The following GAL3ST2 variants were observed in gnomAD, a reference collection of about 807,000 sequenced individuals.
The protein encoded by GAL3ST2 is beta-galactose-3-O-sulfotransferase 2.
A neutral mutation model predicts 12.9 loss-of-function variants in GAL3ST2; 16 were observed. The ratio of observed to expected loss-of-function variants is 1.24; its 90% CI spans 0.84 to 1.88. GAL3ST2 has a LOEUF of 1.88. Among genes scored for constraint, GAL3ST2 ranks in the 40% most tolerant of loss-of-function variants. The probability of loss-of-function intolerance (pLI) is 0.00; values close to 1 mark genes in which losing one functional copy is unlikely to be tolerated. For missense variants in GAL3ST2, 639 were observed against 571.8 expected, an observed-to-expected ratio of 1.12 and a Z score of -1.20; for synonymous variants, 302 against 273.9, an observed-to-expected ratio of 1.10 and a Z score of -1.01.
chr2:241,794,449 C>T (rs1463039924), intron 1 of GAL3ST2, among the ~76,000 whole-genome samples: 2 of 152,228 alleles, frequency 1.3e-5, no homozygotes, highest in African/African-American at 4.8e-5. Flanking sequence ...GGCCTCTCTT[C>T]TCTTTCTTTT....
At chr2:241,799,041 A>G in intron 1 of GAL3ST2, 24 bp from the exon 2 acceptor site, 2 of 1,582,106 alleles carry the variant, frequency 1.3e-6, no homozygotes, top group Non-Finnish European at 1.7e-6. Context: ...CGGACTGGGC[A>G]CTCATGGCCT....
At chr2:241,792,274 C>A (rs1429644323) in intron 1 of GAL3ST2, among the ~76,000 whole-genome samples, 1 of 152,038 alleles carries the variant, frequency 6.6e-6, no homozygotes, top group East Asian at 1.9e-4. Context: ...AGGTGATCCA[C>A]CTGCCTCAGC....
intron 1 of GAL3ST2, among the ~76,000 whole-genome samples, chr2:241,777,927 A>T (rs1412348357): frequency 6.6e-6 from 1 of 152,118 alleles, no homozygotes; most frequent in Non-Finnish European, 1.5e-5. Flanking sequence ...CCCAGCTGAG[A>T]CTCTGTGGGT....
chr2:241,801,508 T>G lies in GAL3ST2; in HGVS notation c.120-273T>G. 2 of 519,788 alleles carry G rather than the reference T, an allele frequency of 3.8e-6. No homozygotes were observed. Among genetic ancestry groups the G allele is most frequent in the East Asian group, 6.9e-5 (2 of 29,126 alleles). 32.2% of individuals were successfully genotyped at this position (519,788 alleles called of 1,614,324 possible). A position where few individuals can be genotyped will look rare whatever the true frequency, so the allele number is the denominator to read the frequency against. ...GGCCAAGATGGGGTTCATTTAGGGT[T>G]TTATTTTTAGTTCTCGGGGGCACAG... On this transcript the variant is annotated intron_variant, in intron 2 of 3. Transcript: ENST00000192314. This position sits in a 1 kb window ranked among gnomAD's most constrained non-coding sequence, Gnocchi z 4.4.
rs751252443 is a variant in GAL3ST2 at position 241,777,022 on chromosome 2, G to A, written c.29+38G>A. 1.1e-5 allele frequency: 16 copies of A among 1,453,748 alleles called. 1 individual carries two copies. Among genetic ancestry groups the A allele is most frequent in the Middle Eastern group, 3.7e-4 (2 of 5,430 alleles). 90.1% of individuals were successfully genotyped at this position (1,453,748 alleles called of 1,614,324 possible). On this transcript the variant is annotated intron_variant, in intron 1 of 3. Coordinates refer to ENST00000192314, the MANE Select transcript of GAL3ST2 (RefSeq NM_022134.3). ...GTTGGACCCCCCAGGTGGACAAAGC[G>A]CTTCATCTGTGGCTATTCTGAGAGA...
At chr2:241,777,062 TTTTG>T (rs761035194) in intron 1 of GAL3ST2, 78 bp downstream of exon 1, 105 of 1,258,478 alleles carry the variant, frequency 8.3e-5, no homozygotes, top group Non-Finnish European at 1.0e-4. Context: ...CAGGAGTGGG[TTTTG>T]TTTGTCTTTC....
Position 241,803,854 on chromosome 2 carries a change from C to T in GAL3ST2, c.885C>T (p.Arg295=). 6.9e-7 allele frequency: 1 copy of T among 1,453,408 alleles called. No individual in the cohort carries two copies. The highest frequency in any genetic ancestry group is 9.0e-7 in the Non-Finnish European group (1 of 1,112,404). 90.0% of individuals were successfully genotyped at this position (1,453,408 alleles called of 1,614,324 possible). A position where few individuals can be genotyped will look rare whatever the true frequency, so the allele number is the denominator to read the frequency against. The part of the protein sequence containing the change: ...HFNRTLWAQL[R]AELGPRRLRG... ...ACCGCACCCTCTGGGCGCAGCTGCGCGCCGAGCTGGGGCCGCGGCGGCTGC... is the reference window on the plus strand; with the variant it reads ...ACCGCACCCTCTGGGCGCAGCTGCGTGCCGAGCTGGGGCCGCGGCGGCTGC... The change falls in exon 4 of 4, where the codon CGC becomes CGT. Residue 295 remains arginine, a synonymous_variant. Transcript: ENST00000192314.
At chr2:241,798,152 G>A (rs1334297698) in intron 1 of GAL3ST2, among the ~76,000 whole-genome samples, 2 of 152,176 alleles carry the variant, frequency 1.3e-5, no homozygotes, top group Non-Finnish European at 2.9e-5. Context: ...GCCTTACCCA[G>A]ATCTGCTCTT....
chr2:241,804,017 C>G lies in GAL3ST2; in HGVS notation c.1048C>G (p.Leu350Val), dbSNP rs1401691188. The change falls in exon 4 of 4, where the codon CTG becomes GTG. Residue 350 changes from leucine to valine, a missense_variant. By Grantham distance (32) the Leu-to-Val change is conservative (BLOSUM62 1). Transcript: ENST00000192314. The part of the protein sequence containing the change: ...RPYQSGKADI[L>V]GYNLRPGLDN... ...CTACCAGTCCGGCAAGGCCGACATCCTGGGTTACAACCTCCGGCCGGGCCT... is the reference window on the plus strand; with the variant it reads ...CTACCAGTCCGGCAAGGCCGACATCGTGGGTTACAACCTCCGGCCGGGCCT... The G allele has an allele frequency of 6.4e-7, 1 of 1,568,378 alleles. No individual in the cohort carries two copies.
At position 241,798,984 on chromosome 2, in the gene GAL3ST2, C is replaced by T. The variant is rs1006804613; in HGVS notation, c.30-81C>T. ...GGCCCAGACCTGTGTGGCCCAAGGCCTGGACTTGGCTGCAGGATGGGAGGT... is the reference window on the plus strand; with the variant it reads ...GGCCCAGACCTGTGTGGCCCAAGGCTTGGACTTGGCTGCAGGATGGGAGGT... On this transcript the variant is annotated intron_variant, in intron 1 of 3. Transcript: ENST00000192314. The T allele has an allele frequency of 4.4e-6, 5 of 1,147,488 alleles. No individual in the cohort carries two copies. In the South Asian group the frequency reaches 6.1e-5, roughly 14 times the overall value. 71.1% of individuals were successfully genotyped at this position (1,147,488 alleles called of 1,614,324 possible). A position where few individuals can be genotyped will look rare whatever the true frequency, so the allele number is the denominator to read the frequency against.
chr2:241,795,980 C>T lies in GAL3ST2; in HGVS notation c.30-3085C>T, dbSNP rs1018253139. ...AGGGAGGGCCTGGAAGCTCCTGTCC[C>T]GTCTCCTAGAAGCGTGGCTGTGGTG... is the stretch of plus-strand genomic sequence containing the variant. On this transcript the variant is annotated intron_variant, in intron 1 of 3. Coordinates refer to ENST00000192314, the MANE Select transcript of GAL3ST2 (RefSeq NM_022134.3). This position sits in a 1 kb window ranked among gnomAD's most constrained non-coding sequence, Gnocchi z 4.5. Among the ~76,000 whole-genome samples, 1 of 152,150 alleles carries T rather than the reference C, an allele frequency of 6.6e-6. No homozygotes were observed. The highest frequency in any genetic ancestry group is 2.4e-5 in the African/African-American group (1 of 41,420).
intron 1 of GAL3ST2, among the ~76,000 whole-genome samples, chr2:241,790,842 CTT>C (rs1479888232): frequency 2.8e-4 from 43 of 152,334 alleles, no homozygotes; most frequent in Admixed American, 2.7e-3. Context: ...CCTGCTCTCT[CTT>C]TGAAGTCTGC....
chr2:241,800,599 C>A lies in GAL3ST2; in HGVS notation c.120-1182C>A, dbSNP rs769126157. On this transcript the variant is annotated intron_variant, in intron 2 of 3. Transcript: ENST00000192314. The surrounding 1 kb of genome is among the most constrained non-coding windows in gnomAD (Gnocchi z 5.2). Reference sequence around the variant, plus strand: ...GAGCCGGGACGGGAAGCACTCGGTGCGCAGCCTCTGTAAACCGCCAGAACC... The same window carrying A: ...GAGCCGGGACGGGAAGCACTCGGTGAGCAGCCTCTGTAAACCGCCAGAACC... Among the ~76,000 whole-genome samples, 2 of 152,210 alleles carry A rather than the reference C, an allele frequency of 1.3e-5. No homozygotes were observed. Among genetic ancestry groups the A allele is most frequent in the Non-Finnish European group, 2.9e-5 (2 of 68,040 alleles).
chr2:241,795,329 T>C lies in GAL3ST2; in HGVS notation c.30-3736T>C, dbSNP rs1699759620. On this transcript the variant is annotated intron_variant, in intron 1 of 3. Transcript: ENST00000192314. This position sits in a 1 kb window ranked among gnomAD's most constrained non-coding sequence, Gnocchi z 4.5. Reference sequence around the variant, plus strand: ...TCTCTGGAAACGTCATTGTTTTAATTGGGCAGTTGCAAAGAACAGAGACAG... The same window carrying C: ...TCTCTGGAAACGTCATTGTTTTAATCGGGCAGTTGCAAAGAACAGAGACAG... Among the ~76,000 whole-genome samples the C allele has an allele frequency of 6.6e-6, 1 of 152,162 alleles. No individual in the cohort carries two copies. Among genetic ancestry groups the C allele is most frequent in the African/African-American group, 2.4e-5 (1 of 41,446 alleles).
At chr2:241,796,542 G>C (rs1699774141) in intron 1 of GAL3ST2, among the ~76,000 whole-genome samples, 1 of 152,172 alleles carries the variant, frequency 6.6e-6, no homozygotes, top group African/African-American at 2.4e-5. Context: ...GTGGTGAGCG[G>C]CTTCTGCAGA....
In GAL3ST2 at chr2:241,802,169, A is replaced by G; in HGVS notation, c.375+133A>G. The G allele has an allele frequency of 8.7e-7, 1 of 1,147,228 alleles. No individual in the cohort carries two copies. The highest frequency in any genetic ancestry group is 1.6e-5 in the South Asian group (1 of 63,804). 71.1% of individuals were successfully genotyped at this position (1,147,228 alleles called of 1,614,324 possible). The stretch of plus-strand genomic sequence containing the variant: ...CGGGGCGTGCAGAAGGCGGGTTGGG[A>G]GGGCCTGGGCCGCACGCCCTGCTGA... On this transcript the variant is annotated intron_variant, in intron 3 of 3. Coordinates refer to ENST00000192314, the MANE Select transcript of GAL3ST2 (RefSeq NM_022134.3). The surrounding 1 kb of genome is among the most constrained non-coding windows in gnomAD (Gnocchi z 4.8).
At chr2:241,794,092 C>T (rs764721030) in intron 1 of GAL3ST2, among the ~76,000 whole-genome samples, 3 of 151,866 alleles carry the variant, frequency 2.0e-5, no homozygotes, top group African/African-American at 4.8e-5. Context: ...GACCACAGTC[C>T]GGAGCCATCA....
At chr2:241,787,283 G>C (rs537732710) in intron 1 of GAL3ST2, among the ~76,000 whole-genome samples, 16 of 152,218 alleles carry the variant, frequency 1.1e-4, no homozygotes, top group African/African-American at 2.9e-4. Flanking sequence ...AAACAAATGC[G>C]CATCGTCAAC....
chr2:241,777,633 G>C (rs1224770996), intron 1 of GAL3ST2, among the ~76,000 whole-genome samples: 1 of 152,216 alleles, frequency 6.6e-6, no homozygotes, highest in Admixed American at 6.5e-5. Flanking sequence ...GCCTCCCCGG[G>C]GCGTGTGCCG....
Sources: gnomAD v4.1 joint callset for allele counts (sites outside exome capture counted in the v4.1 genomes callset) on GRCh38, gnomAD v4.1.1 for gene constraint, Gnocchi (gnomAD v3.1) non-coding constraint, MANE v1.5 for transcripts, NCBI Gene and HGNC (gene_info 2026-07-23, HGNC 2026-07-21) for gene names.